Variants in GCFC2 observed in about 807,000 individuals in gnomAD.
GCFC2 encodes intron Large complex component GCFC2.
In GCFC2, 102 loss-of-function variants were observed where a neutral mutation model predicts 99.4. The ratio of observed to expected loss-of-function variants is 1.03; its 90% CI spans 0.87 to 1.21. The LOEUF is 1.21. Among genes scored for constraint, GCFC2 ranks in the 50% most tolerant of loss-of-function variants. The pLI, the probability that GCFC2 is intolerant of heterozygous loss-of-function variation, is 0.00. For missense variants in GCFC2, 973 were observed against 920.9 expected (o/e 1.06, Z -0.73); for synonymous variants, 338 against 316.8 (o/e 1.07, Z -0.71).
chr2:75,710,495 C>T (rs1185830459), intron 1 of GCFC2, 96 bp downstream of exon 1: 2 of 1,394,278 alleles, frequency 1.4e-6, no homozygotes, highest in Non-Finnish European at 1.9e-6. Flanking sequence ...TGGTCGGCAG[C>T]AAGTTATAGA....
Position 75,673,439 on chromosome 2 carries a change from C to G in GCFC2, c.1889+5G>C. The G allele has an allele frequency of 1.6e-6, 2 of 1,276,570 alleles. No homozygotes were observed. The highest frequency in any genetic ancestry group is 2.3e-6 in the Non-Finnish European group (2 of 873,526). The allele number at this position is 1,276,570 out of a possible 1,614,324, so 79.1% of individuals were successfully genotyped here. On this transcript the variant is annotated splice_donor_5th_base_variant and intron_variant, in intron 13 of 16. Transcript: ENST00000321027. Reference sequence around the variant, plus strand: ...TCCAACAATCTAGAAATTAACAGCGCTTACCTCTTTGGATACAGAGGAATA... The same window carrying G: ...TCCAACAATCTAGAAATTAACAGCGGTTACCTCTTTGGATACAGAGGAATA...
intron 11 of GCFC2, among the ~76,000 whole-genome samples, chr2:75,683,771 C>CAAAAAAAAAAAAAAAAAAAAAGAAAAAAA (rs1679688456): frequency 3.3e-5 from 2 of 60,400 alleles, no homozygotes; most frequent in Non-Finnish European, 6.1e-5. Flanking sequence ...AAATGGAAAG[C>CAAAAAAAAAAAAAAAAAAAAAGAAAAAAA]AAAAAAAAAA....
chr2:75,698,690 T>C (rs1009465288), intron 4 of GCFC2, among the ~76,000 whole-genome samples: 6 of 152,206 alleles, frequency 3.9e-5, no homozygotes, highest in African/African-American at 1.4e-4. Flanking sequence ...GTTGGACTAC[T>C]AGCTCTTAGT....
At chr2:75,697,739 G>A (rs190557197) in intron 4 of GCFC2, 73 of 152,324 alleles carry the variant, frequency 4.8e-4, no homozygotes, top group African/African-American at 1.6e-3. Context: ...GGATTATCCC[G>A]ATGGGGTCTG....
rs768166710 is a variant in GCFC2, at chr2:75,689,194, A to C, written c.1371T>G (p.Phe457Leu). The C allele has an allele frequency of 1.9e-6, 3 of 1,600,526 alleles. No homozygotes were observed. In the South Asian group the frequency reaches 3.4e-5, roughly 18 times the overall value. Residue 457 changes from phenylalanine to leucine, a missense_variant, in exon 10 of 17, where the codon TTT (phenylalanine) becomes TTG (leucine). Phe to Leu is a conservative substitution (Grantham distance 22). Coordinates refer to ENST00000321027, the MANE Select transcript of GCFC2 (RefSeq NM_003203.5). The stretch of plus-strand genomic sequence containing the variant: ...TACAAAAATCATCTTGCACTTCTTC[A>C]AAAACTTTCTTCTGTTTCTGTAAAA... The part of the protein sequence containing the change: ...GDILQKQKKV[F>L]EEVQDDFCNI...
At chr2:75,707,033 C>T (rs1288848389) in intron 1 of GCFC2, among the ~76,000 whole-genome samples, 1 of 152,136 alleles carries the variant, frequency 6.6e-6, no homozygotes, top group Non-Finnish European at 1.5e-5. Flanking sequence ...ACCTGTTTTA[C>T]ATGACTTATT....
At chr2:75,672,170 T>C (rs906277254) in intron 13 of GCFC2, among the ~76,000 whole-genome samples, 154 bp from the exon 14 acceptor site, 6 of 146,618 alleles carry the variant, frequency 4.1e-5, no homozygotes, top group Non-Finnish European at 7.5e-5. Context: ...AAATAAAATA[T>C]ATATTTATTT....
chr2:75,706,237 C>G (rs113143086), intron 2 of GCFC2, among the ~76,000 whole-genome samples: 1 of 152,278 alleles, frequency 6.6e-6, no homozygotes, highest in East Asian at 1.9e-4. Context: ...CTGACAAATT[C>G]TTACCATCCT....
At chr2:75,705,080 A>T (rs1240721863) in intron 2 of GCFC2, among the ~76,000 whole-genome samples, 1 of 152,232 alleles carries the variant, frequency 6.6e-6, no homozygotes, top group Admixed American at 6.5e-5. Context: ...CCACATTTCA[A>T]GAGCTCAACA....
At chr2:75,691,569 C>T (rs1016268792) in intron 7 of GCFC2, among the ~76,000 whole-genome samples, 4 of 148,732 alleles carry the variant, frequency 2.7e-5, no homozygotes, top group Admixed American at 6.7e-5. Context: ...AAAATCAATG[C>T]GAAAAAAAAA....
intron 11 of GCFC2, among the ~76,000 whole-genome samples, chr2:75,681,066 T>C (rs1679552916): frequency 1.3e-5 from 2 of 152,214 alleles, no homozygotes; most frequent in Admixed American, 6.5e-5. Flanking sequence ...TTGTACTAGA[T>C]TTTTTCCATC....
chr2:75,666,072 G>A lies in GCFC2; in HGVS notation c.2104-19C>T, dbSNP rs1173173150. On this transcript the variant is annotated intron_variant, in intron 15 of 16. Coordinates refer to ENST00000321027, the MANE Select transcript of GCFC2 (RefSeq NM_003203.5). ...CTGCTACCTGTTAATCAAAACACAT[G>A]GCTGGTTTACAATGACAGTTATCTA... The A allele has an allele frequency of 1.3e-6, 2 of 1,587,506 alleles. No homozygotes were observed. Among genetic ancestry groups the A allele is most frequent in the Non-Finnish European group, 1.7e-6 (2 of 1,165,344 alleles).
chr2:75,693,950 T>G (rs370071394), intron 6 of GCFC2, among the ~76,000 whole-genome samples: 1 of 152,062 alleles, frequency 6.6e-6, no homozygotes, highest in African/African-American at 2.4e-5. Context: ...TTAAAAATAT[T>G]TAGACTTAAT....
rs1680209448 is a variant in GCFC2 at position 75,694,284 on chromosome 2, A to G, written c.977T>C (p.Met326Thr). 1.7e-6 allele frequency: 2 copies of G among 1,164,322 alleles called. No homozygotes were observed. Among genetic ancestry groups the G allele is most frequent in the Non-Finnish European group, 2.5e-6 (2 of 795,834 alleles). 72.1% of individuals were successfully genotyped at this position (1,164,322 alleles called of 1,614,324 possible). The change falls in exon 6 of 17, where the codon ATG (methionine) becomes ACG (threonine). Residue 326 changes from methionine (M) to threonine (T), a missense_variant. Coordinates refer to ENST00000321027, the MANE Select transcript of GCFC2 (RefSeq NM_003203.5). ...AATTAAATTTTCCACATAAATTTTC[A>G]TGCTTTTATAGAATTTACAATTTAG... ...QALNCKFYKS[M>T]KIYVENLIDC... is the part of the protein sequence containing the mutation.
At chr2:75,672,794 G>C (rs1421306489) in intron 13 of GCFC2, among the ~76,000 whole-genome samples, 1 of 152,040 alleles carries the variant, frequency 6.6e-6, no homozygotes, top group East Asian at 1.9e-4. Flanking sequence ...TTATAGATGA[G>C]AAAACAAGTG....
rs546497014 is a variant in GCFC2 at position 75,684,265 on chromosome 2, T to A, written c.1690+3562A>T. Among the ~76,000 whole-genome samples the A allele has an allele frequency of 2.0e-5, 3 of 152,246 alleles. No individual in the cohort carries two copies. In the South Asian group the frequency reaches 6.2e-4, roughly 32 times the overall value. ...CTCAGCAAATGCAAAAGAATGGAAA[T>A]CATAACAAACAGTCTCTCAGACCAC... is the stretch of plus-strand genomic sequence containing the variant. On this transcript the variant is annotated intron_variant, in intron 11 of 16. Coordinates refer to ENST00000321027, the MANE Select transcript of GCFC2 (RefSeq NM_003203.5).
chr2:75,678,044 A>G (rs893925743), intron 12 of GCFC2, among the ~76,000 whole-genome samples: 1 of 150,728 alleles, frequency 6.6e-6, no homozygotes, highest in Non-Finnish European at 1.5e-5. Context: ...GATCACAAAG[A>G]GCCAGGTCTA....
chr2:75,686,055 A>G (rs1379691613), intron 11 of GCFC2, among the ~76,000 whole-genome samples: 2 of 152,166 alleles, frequency 1.3e-5, no homozygotes, highest in African/African-American at 4.8e-5. Context: ...ATTTGGACTC[A>G]GTCAGTGTTA....
At chr2:75,708,446 T>C (rs1680966995) in intron 1 of GCFC2, among the ~76,000 whole-genome samples, 1 of 151,670 alleles carries the variant, frequency 6.6e-6, no homozygotes, top group African/African-American at 2.4e-5. Flanking sequence ...AGAACAGAGT[T>C]TTAAGGTAAG....
Sources: allele counts gnomAD v4.1 joint callset (sites outside exome capture counted in the v4.1 genomes callset), GRCh38; gene constraint gnomAD v4.1.1; transcripts MANE v1.5; gene names NCBI Gene and HGNC (gene_info 2026-07-23, HGNC 2026-07-21).